The following PTPN4 variants were observed in gnomAD, a reference collection of about 807,000 sequenced individuals.
The protein encoded by PTPN4 is protein tyrosine phosphatase non-receptor type 4.
Under a neutral mutation model 135.5 loss-of-function variants are expected in PTPN4, and 49 were observed. The observed-to-expected ratio is 0.36, with a 90% CI of 0.29 to 0.46. The LOEUF (loss-of-function observed/expected upper bound fraction) is 0.46, where lower values mean the gene tolerates loss of function less well. Ranked by LOEUF, PTPN4 falls within the 20% of genes least tolerant of loss-of-function variation. PTPN4 has a pLI of 1.00. For missense variants in PTPN4, 860 were observed against 1,101.0 expected, an observed-to-expected ratio of 0.78 and a Z score of 3.10; for synonymous variants, 333 against 369.9, an observed-to-expected ratio of 0.90 and a Z score of 1.14.
chr2:119,893,381 G>A (rs1678270643), intron 9 of PTPN4, among the ~76,000 whole-genome samples: 2 of 152,186 alleles, frequency 1.3e-5, no homozygotes, highest in South Asian at 4.1e-4. Context: ...CCTGGGAGAA[G>A]TAGATTTAGT....
intron 1 of PTPN4, among the ~76,000 whole-genome samples, chr2:119,807,846 A>G (rs1228173137): frequency 6.6e-6 from 1 of 152,224 alleles, no homozygotes; most frequent in Non-Finnish European, 1.5e-5. Context: ...GGCAAACTGA[A>G]TCTAGGAGCA....
chr2:119,858,460 T>G (rs954049144), intron 2 of PTPN4, among the ~76,000 whole-genome samples: 12 of 152,202 alleles, frequency 7.9e-5, no homozygotes, highest in African/African-American at 2.7e-4. Context: ...TTTTTGTTTT[T>G]GCCAAATTTG....
chr2:119,972,772 T>G (rs1679555686), intron 26 of PTPN4, among the ~76,000 whole-genome samples: 1 of 152,152 alleles, frequency 6.6e-6, no homozygotes, highest in African/African-American at 2.4e-5. Context: ...GAAAGTGTGT[T>G]CAGTTTTGTT....
intron 3 of PTPN4, among the ~76,000 whole-genome samples, chr2:119,867,120 G>A (rs1204044226): frequency 1.3e-5 from 2 of 152,146 alleles, no homozygotes; most frequent in East Asian, 1.9e-4. Flanking sequence ...AATAAAAGGA[G>A]AAGGGGTAAA....
intron 9 of PTPN4, among the ~76,000 whole-genome samples, chr2:119,899,963 G>A (rs929729280): frequency 3.3e-5 from 5 of 152,088 alleles, no homozygotes; most frequent in Admixed American, 1.3e-4. Flanking sequence ...TTAAATGAAT[G>A]GTAGGTGGTA....
chr2:119,975,618 C>T lies in PTPN4; in HGVS notation c.2695-1366C>T, dbSNP rs554754536. ...CAGGTGCCTGTAATCCCAGCTACTC[C>T]GGAGGCTGAGGCAGGAGACTCTCTT... On this transcript the variant is annotated intron_variant, in intron 26 of 26. Coordinates refer to ENST00000263708, the MANE Select transcript of PTPN4 (RefSeq NM_002830.4). Among the ~76,000 whole-genome samples, 11 of 152,114 alleles carry T rather than the reference C, an allele frequency of 7.2e-5. No homozygotes were observed. In the East Asian group the frequency reaches 9.7e-4, roughly 13 times the overall value.
chr2:119,846,552 A>AT (rs544118988), intron 2 of PTPN4, among the ~76,000 whole-genome samples: 10,149 of 139,808 alleles, frequency 0.073, 1,100 homozygotes, highest in African/African-American at 0.24. Flanking sequence ...CTTGCGTCTT[A>AT]TTTTTTTTTT....
chr2:119,787,039 TAAC>T (rs1037570500), intron 1 of PTPN4, among the ~76,000 whole-genome samples: 44 of 152,280 alleles, frequency 2.9e-4, no homozygotes, highest in East Asian at 1.7e-3. Context: ...GTGGGAGAGA[TAAC>T]AAAAGGCTAA....
rs1690445313 is a variant in PTPN4 at position 119,759,933 on chromosome 2, C to A, written c.-469C>A. On this transcript the variant is annotated 5_prime_UTR_variant, in exon 1 of 27. Coordinates refer to ENST00000263708, the MANE Select transcript of PTPN4 (RefSeq NM_002830.4). ...CACAAACGCTGCCCAGGATTACCCGCCAGCTCACGCCGCGCAGTGCGCTTT... is the reference window on the plus strand; with the variant it reads ...CACAAACGCTGCCCAGGATTACCCGACAGCTCACGCCGCGCAGTGCGCTTT... 3 of 358,002 alleles carry A rather than the reference C, an allele frequency of 8.4e-6. No individual in the cohort carries two copies. The highest frequency in any genetic ancestry group is 6.3e-5 in the African/African-American group (3 of 47,442). 22.2% of individuals were successfully genotyped at this position (358,002 alleles called of 1,614,324 possible).
At chr2:119,882,761 T>C in intron 8 of PTPN4, 138 bp downstream of exon 8, 1 of 789,074 alleles carries the variant, frequency 1.3e-6, no homozygotes, top group Non-Finnish European at 1.9e-6. Context: ...CATAAAGAAA[T>C]ATAGGTGATC....
chr2:119,974,082 A>G (rs934824887), intron 26 of PTPN4, among the ~76,000 whole-genome samples: 4 of 152,224 alleles, frequency 2.6e-5, no homozygotes, highest in Non-Finnish European at 5.9e-5. Flanking sequence ...TAAGCTTTCA[A>G]TATAATGAAT....
At chr2:119,847,181 TA>T (rs899553229) in intron 2 of PTPN4, among the ~76,000 whole-genome samples, 24 of 146,914 alleles carry the variant, frequency 1.6e-4, no homozygotes, top group East Asian at 5.9e-4. Flanking sequence ...TGTATACATA[TA>T]AAAAAATATA....
rs2105050146 is a variant in PTPN4 at position 119,949,103 on chromosome 2, T to C, written c.1656+2529T>C. On this transcript the variant is annotated intron_variant, in intron 18 of 26. Transcript: ENST00000263708. ...ATTCAGAGAATATTCTATAGATATA[T>C]TCATTTCCAAACAGAATTCTAAGAC... Among the ~76,000 whole-genome samples, 2 of 152,292 alleles carry C rather than the reference T, an allele frequency of 1.3e-5. 1 individual carries two copies. The highest frequency in any genetic ancestry group is 4.1e-4 in the South Asian group (2 of 4,828).
At chr2:119,779,353 C>T (rs971432402) in intron 1 of PTPN4, among the ~76,000 whole-genome samples, 1 of 152,172 alleles carries the variant, frequency 6.6e-6, no homozygotes, top group Non-Finnish European at 1.5e-5. Context: ...CGCGGTGGCT[C>T]ACGCCTGTAA....
intron 1 of PTPN4, among the ~76,000 whole-genome samples, chr2:119,793,788 G>GTA (rs1691197328): frequency 7.4e-6 from 1 of 135,668 alleles, no homozygotes; most frequent in Non-Finnish European, 1.6e-5. Context: ...AAAAATCCAT[G>GTA]TATATTTTGC....
At chr2:119,947,870 A>G (rs868654241) in intron 18 of PTPN4, among the ~76,000 whole-genome samples, 33 of 152,088 alleles carry the variant, frequency 2.2e-4, no homozygotes, top group African/African-American at 7.7e-4. Flanking sequence ...CAATCCATGT[A>G]GTAGGATGTG....
At chr2:119,844,238 C>T (rs1233096758) in intron 2 of PTPN4, among the ~76,000 whole-genome samples, 3 of 135,354 alleles carry the variant, frequency 2.2e-5, no homozygotes, top group Non-Finnish European at 3.2e-5. Context: ...CGGGCAGAGG[C>T]GCCCCTCACC....
intron 18 of PTPN4, among the ~76,000 whole-genome samples, chr2:119,950,132 A>G (rs1679191079): frequency 6.6e-6 from 1 of 152,134 alleles, no homozygotes; most frequent in Non-Finnish European, 1.5e-5. Flanking sequence ...TCTGCCAACT[A>G]CACTATGCAC....
At chr2:119,882,945 C>A (rs975207680) in intron 8 of PTPN4, among the ~76,000 whole-genome samples, 1 of 152,078 alleles carries the variant, frequency 6.6e-6, no homozygotes, top group African/African-American at 2.4e-5. Flanking sequence ...AATTCTTTCT[C>A]AGTTTTTAGG....
Sources: allele counts gnomAD v4.1 joint callset (sites outside exome capture counted in the v4.1 genomes callset), GRCh38; gene constraint gnomAD v4.1.1; transcripts MANE v1.5; gene names NCBI Gene and HGNC (gene_info 2026-07-23, HGNC 2026-07-21).